The following NRG3 variants were observed in gnomAD, a reference collection of about 807,000 sequenced individuals.
The protein encoded by NRG3 is pro-neuregulin-3, membrane-bound isoform.
Under a neutral mutation model 66.9 loss-of-function variants are expected in NRG3, and 31 were observed. The observed-to-expected ratio is 0.46, with a 90% confidence interval of 0.35 to 0.63. The LOEUF is 0.63. Among genes scored for constraint, NRG3 ranks in the 20% least tolerant of loss-of-function variants. The pLI is 0.00. For synonymous variants in NRG3, 393 were observed against 359.4 expected (o/e 1.09, Z -1.06); for missense variants, 910 against 878.9 (o/e 1.04, Z -0.45).
At chr10:82,688,679 A>G (rs1010731838) in intron 2 of NRG3, among the ~76,000 whole-genome samples, 6 of 152,176 alleles carry the variant, frequency 3.9e-5, no homozygotes, top group African/African-American at 1.2e-4. Flanking sequence ...AAATTTCTGC[A>G]TATAAATTAG....
chr10:82,417,731 A>G (rs191394798), intron 2 of NRG3, among the ~76,000 whole-genome samples: 389 of 152,278 alleles, frequency 2.6e-3, no homozygotes, highest in African/African-American at 8.9e-3. Flanking sequence ...AATGAACACA[A>G]TGAGGCTCCA....
At chr10:82,488,571 A>G (rs764811435) in intron 2 of NRG3, among the ~76,000 whole-genome samples, 1 of 152,212 alleles carries the variant, frequency 6.6e-6, no homozygotes, top group Non-Finnish European at 1.5e-5. Context: ...CTGAATAACT[A>G]CAATCTCCAC....
At chr10:82,096,068 C>T (rs938788656) in intron 1 of NRG3, among the ~76,000 whole-genome samples, 2 of 152,122 alleles carry the variant, frequency 1.3e-5, no homozygotes, top group African/African-American at 4.8e-5. Context: ...AAACTATAAT[C>T]GCAATTCGAG....
chr10:82,696,803 C>T (rs1437611742), intron 2 of NRG3, among the ~76,000 whole-genome samples: 7 of 152,182 alleles, frequency 4.6e-5, no homozygotes, highest in Non-Finnish European at 7.3e-5. Flanking sequence ...AGAGATATGA[C>T]TTTGTCTTAG....
intron 3 of NRG3, among the ~76,000 whole-genome samples, chr10:82,803,868 G>T (rs553422995): frequency 6.6e-6 from 1 of 151,940 alleles, no homozygotes; most frequent in African/African-American, 2.4e-5. Context: ...TTCACTTTAC[G>T]GTTTTAGTTC....
chr10:82,437,736 G>T (rs940737070), intron 2 of NRG3, among the ~76,000 whole-genome samples: 4 of 152,076 alleles, frequency 2.6e-5, no homozygotes, highest in Non-Finnish European at 4.4e-5. Flanking sequence ...GCTTTTTGTT[G>T]TTGTTGTTGA....
chr10:82,784,270 G>T (rs1333631924), intron 3 of NRG3, among the ~76,000 whole-genome samples: 1 of 151,596 alleles, frequency 6.6e-6, no homozygotes, highest in Admixed American at 6.6e-5. Flanking sequence ...AGAAAACCTA[G>T]GCATTACCAT....
intron 1 of NRG3, among the ~76,000 whole-genome samples, chr10:82,216,080 G>C (rs2075658736): frequency 9.7e-6 from 1 of 102,666 alleles, no homozygotes; most frequent in South Asian, 3.0e-4. Flanking sequence ...CGATTCTCCT[G>C]CCTCAGCCTC....
intron 2 of NRG3, among the ~76,000 whole-genome samples, chr10:82,686,410 A>G (rs1272015727): frequency 6.6e-6 from 1 of 151,606 alleles, no homozygotes; most frequent in Non-Finnish European, 1.5e-5. Context: ...CTGGTCTTCA[A>G]CTCCTGACCT....
chr10:82,456,193 G>A (rs2091260513), intron 2 of NRG3, among the ~76,000 whole-genome samples: 1 of 140,558 alleles, frequency 7.1e-6, no homozygotes, highest in African/African-American at 2.6e-5. Flanking sequence ...GCCCAGGATA[G>A]AGTGCAGTGG....
At chr10:82,890,948 G>T (rs189500500) in intron 4 of NRG3, among the ~76,000 whole-genome samples, 2 of 151,830 alleles carry the variant, frequency 1.3e-5, no homozygotes, top group African/African-American at 4.8e-5. Context: ...TATCTGTTAG[G>T]TTTCTTATTT....
chr10:82,090,661 C>G (rs940473226), intron 1 of NRG3, among the ~76,000 whole-genome samples: 2 of 152,106 alleles, frequency 1.3e-5, no homozygotes, highest in African/African-American at 4.8e-5. Context: ...GGGGTTGAAA[C>G]CATGTCAGGA....
At chr10:82,207,837 G>GC (rs978859275) in intron 1 of NRG3, among the ~76,000 whole-genome samples, 5 of 152,094 alleles carry the variant, frequency 3.3e-5, no homozygotes, top group Non-Finnish European at 5.9e-5. Context: ...GGGAGAAACT[G>GC]CCCCCATGAT....
At chr10:82,065,189 A>G (rs958336868) in intron 1 of NRG3, among the ~76,000 whole-genome samples, 1 of 152,104 alleles carries the variant, frequency 6.6e-6, no homozygotes, top group African/African-American at 2.4e-5. Context: ...ACGTAAAACT[A>G]TGAGGGGAAT....
In NRG3 at chr10:82,648,322, C is replaced by T. The variant is rs1323003946; in HGVS notation, c.954-90255C>T. The stretch of plus-strand genomic sequence containing the variant: ...CAAAGATCAGATAGTTGTAGATATG[C>T]GGCATTATTTCTGAGGGCTCTGTTC... On this transcript the variant is annotated intron_variant, in intron 2 of 8. Transcript: ENST00000372141. Among the ~76,000 whole-genome samples the T allele has an allele frequency of 5.5e-3, 834 of 151,644 alleles. 4 individuals carry two copies. The highest frequency in any genetic ancestry group is 0.019 in the African/African-American group (766 of 41,390).
chr10:82,290,150 G>A (rs1391807318), intron 1 of NRG3, among the ~76,000 whole-genome samples: 2 of 152,172 alleles, frequency 1.3e-5, no homozygotes, highest in African/African-American at 4.8e-5. Context: ...GGGCTTTGGA[G>A]TTGCAATCAG....
intron 1 of NRG3, among the ~76,000 whole-genome samples, chr10:82,188,413 G>A: frequency 6.6e-6 from 1 of 152,082 alleles, no homozygotes. Flanking sequence ...GATTTTTTGA[G>A]CAGTACCCCA....
intron 2 of NRG3, among the ~76,000 whole-genome samples, chr10:82,386,596 A>G (rs1307465413): frequency 6.6e-6 from 1 of 152,144 alleles, no homozygotes; most frequent in Admixed American, 6.5e-5. Flanking sequence ...TTTAATCTCA[A>G]AGGTCATGAA....
At chr10:82,512,568 A>T (rs1237519658) in intron 2 of NRG3, among the ~76,000 whole-genome samples, 1 of 152,090 alleles carries the variant, frequency 6.6e-6, no homozygotes, top group Non-Finnish European at 1.5e-5. Flanking sequence ...GCGCCCTGCC[A>T]TACATGTATA....
Sources: gnomAD v4.1 joint callset for allele counts (sites outside exome capture counted in the v4.1 genomes callset) on GRCh38, gnomAD v4.1.1 for gene constraint, MANE v1.5 for transcripts, NCBI Gene and HGNC (gene_info 2026-07-23, HGNC 2026-07-21) for gene names.